Variants in RNF121 observed in about 807,000 individuals in gnomAD.
The protein encoded by RNF121 is ring finger protein 121, also known as E3 ubiquitin ligase RNF121.
RNF121 carries 21 observed loss-of-function variants against 46.5 expected under a neutral mutation model. The observed-to-expected ratio is 0.45, with a 90% CI of 0.32 to 0.65. The LOEUF is 0.65. RNF121 is among the 30% of genes least tolerant of loss of function. The pLI is 0.04. For missense variants in RNF121, 346 were observed against 416.0 expected, an observed-to-expected ratio of 0.83 and a Z score of 1.46; for synonymous variants, 139 against 144.7, an observed-to-expected ratio of 0.96 and a Z score of 0.28.
At chr11:71,961,370 GGGCAACAT>G (rs965294792) in intron 3 of RNF121, among the ~76,000 whole-genome samples, 22 of 152,194 alleles carry the variant, frequency 1.4e-4, no homozygotes, top group African/African-American at 4.8e-4. Context: ...AGACTAGCCT[GGGCAACAT>G]GGCAAAACCC....
In RNF121 at chr11:71,990,590, C is replaced by T. The variant is rs758521085; in HGVS notation, c.507-7C>T. ...GGGTCTTTCTAGCTCTAATGCTTCC[C>T]TTGCAGGATCAAACCAGAAGATGCC... On this transcript the variant is annotated splice_polypyrimidine_tract_variant and splice_region_variant and intron_variant, in intron 5 of 8. Transcript: ENST00000361756. 3.1e-6 allele frequency: 5 copies of T among 1,613,704 alleles called. No homozygotes were observed. The South Asian group carries it at 4.4e-5, about 14-fold the overall frequency.
chr11:71,982,183 A>G (rs1954673931), intron 3 of RNF121, among the ~76,000 whole-genome samples: 1 of 152,002 alleles, frequency 6.6e-6, no homozygotes, highest in South Asian at 2.1e-4. Context: ...TAAAAACACA[A>G]AAATTAGCCA....
At chr11:71,991,507 A>G (rs1340532052) in intron 6 of RNF121, among the ~76,000 whole-genome samples, 1 of 152,250 alleles carries the variant, frequency 6.6e-6, no homozygotes, top group Admixed American at 6.5e-5. Flanking sequence ...TACAACTTTA[A>G]TAAGCATTAT....
intron 5 of RNF121, among the ~76,000 whole-genome samples, chr11:71,988,655 A>AG (rs397952111): frequency 1.4e-5 from 2 of 148,046 alleles, no homozygotes; most frequent in African/African-American, 2.5e-5. Context: ...AAAAAAAAAA[A>AG]GAAAGAAAGA....
chr11:71,954,466 C>T (rs1172568114), intron 1 of RNF121, among the ~76,000 whole-genome samples: 2 of 152,186 alleles, frequency 1.3e-5, no homozygotes, highest in Non-Finnish European at 2.9e-5. Flanking sequence ...CTGTCCTCTG[C>T]TTCACCAACA....
chr11:71,933,746 G>A (rs1953332148), intron 1 of RNF121, among the ~76,000 whole-genome samples: 1 of 152,222 alleles, frequency 6.6e-6, no homozygotes, highest in African/African-American at 2.4e-5. Flanking sequence ...CAGAGTCCAA[G>A]TGTATCTTGC....
chr11:71,962,879 T>A (rs560025936), intron 3 of RNF121, among the ~76,000 whole-genome samples: 1 of 152,230 alleles, frequency 6.6e-6, no homozygotes, highest in South Asian at 2.1e-4. Context: ...TTCACTCCGT[T>A]TTTTTTTAAA....
chr11:71,974,192 C>T (rs969684749), intron 3 of RNF121, among the ~76,000 whole-genome samples: 3 of 152,312 alleles, frequency 2.0e-5, no homozygotes, highest in Non-Finnish European at 2.9e-5. Flanking sequence ...CCACCCTCCT[C>T]GGCCTCCCAA....
At chr11:71,949,872 C>T (rs1246764927) in intron 1 of RNF121, among the ~76,000 whole-genome samples, 6 of 151,772 alleles carry the variant, frequency 4.0e-5, no homozygotes, top group Non-Finnish European at 4.4e-5. Flanking sequence ...CGTGGTGGCA[C>T]GTACCTGTAA....
chr11:71,979,438 TCA>T (rs142356308), intron 3 of RNF121, among the ~76,000 whole-genome samples: 371 of 152,324 alleles, frequency 2.4e-3, no homozygotes, highest in Middle Eastern at 0.01. Flanking sequence ...TCTTTTTTTC[TCA>T]CACACAGTCT....
rs532364485 is a variant in RNF121 at position 71,996,713 on chromosome 11, C to T, written c.*398C>T. The T allele has an allele frequency of 1.0e-5, 2 of 195,402 alleles. No individual in the cohort carries two copies. Among genetic ancestry groups the T allele is most frequent in the South Asian group, 8.0e-5 (1 of 12,526 alleles). 12.1% of individuals were successfully genotyped at this position (195,402 alleles called of 1,614,324 possible). Reference sequence around the variant, plus strand: ...CAGGTAGCTGAAGGCCTCAGCCCACCCACTCCCTTCTTCCCTGTGTGGGGC... The same window carrying T: ...CAGGTAGCTGAAGGCCTCAGCCCACTCACTCCCTTCTTCCCTGTGTGGGGC... On this transcript the variant is annotated 3_prime_UTR_variant, in exon 9 of 9. Transcript: ENST00000361756.
chr11:71,941,035 A>G (rs553309475), intron 1 of RNF121, among the ~76,000 whole-genome samples: 1 of 152,344 alleles, frequency 6.6e-6, no homozygotes, highest in South Asian at 2.1e-4. Flanking sequence ...GTAAGGGGAT[A>G]GCAGTGAGTG....
chr11:71,987,227 G>A, intron 5 of RNF121, 116 bp downstream of exon 5: 1 of 696,364 alleles, frequency 1.4e-6, no homozygotes, highest in Non-Finnish European at 2.6e-6. Context: ...CAGGATAGGA[G>A]ACTTGGGTGC....
At chr11:71,949,155 C>A (rs1425977157) in intron 1 of RNF121, among the ~76,000 whole-genome samples, 1 of 152,170 alleles carries the variant, frequency 6.6e-6, no homozygotes. Context: ...TGGTGGTTCA[C>A]GCCTGTAATC....
chr11:71,945,014 A>G (rs530819107), intron 1 of RNF121, among the ~76,000 whole-genome samples: 5 of 151,502 alleles, frequency 3.3e-5, no homozygotes, highest in East Asian at 1.9e-4. Flanking sequence ...TTTTTGAGAC[A>G]GGGTCTTCTG....
intron 1 of RNF121, among the ~76,000 whole-genome samples, chr11:71,943,760 A>G (rs1590773685): frequency 1.3e-5 from 2 of 152,336 alleles, no homozygotes; most frequent in South Asian, 2.1e-4. Context: ...GCTGAGTGTG[A>G]AAGTGACTAG....
chr11:71,930,241 A>G (rs1953243142), intron 1 of RNF121, among the ~76,000 whole-genome samples: 2 of 152,122 alleles, frequency 1.3e-5, no homozygotes, highest in Non-Finnish European at 2.9e-5. Context: ...GAGGAAGGGG[A>G]TTGGTTGTCA....
At chr11:71,932,500 C>T (rs911567867) in intron 1 of RNF121, among the ~76,000 whole-genome samples, 6 of 152,296 alleles carry the variant, frequency 3.9e-5, no homozygotes, top group African/African-American at 9.6e-5. Flanking sequence ...AAAATTGTAT[C>T]GTCTTAATCA....
chr11:71,987,409 A>G (rs1311252518), intron 5 of RNF121, among the ~76,000 whole-genome samples: 2 of 152,220 alleles, frequency 1.3e-5, no homozygotes, highest in African/African-American at 2.4e-5. Context: ...CCTGCTATCC[A>G]TAATTCTATC....
Sources: gnomAD v4.1 joint callset for allele counts (sites outside exome capture counted in the v4.1 genomes callset) on GRCh38, gnomAD v4.1.1 for gene constraint, MANE v1.5 for transcripts, NCBI Gene and HGNC (gene_info 2026-07-23, HGNC 2026-07-21) for gene names.